Variants in GTF3C3 observed in about 807,000 individuals in gnomAD.
The protein encoded by GTF3C3 is general transcription factor IIIC subunit 3, also known as general transcription factor 3C polypeptide 3.
In GTF3C3, 75 loss-of-function variants were observed where a neutral mutation model predicts 105.2. That is an observed-to-expected ratio of 0.71 (90% CI 0.59 to 0.86). The LOEUF (loss-of-function observed/expected upper bound fraction) is 0.86, where lower values mean the gene tolerates loss of function less well. Ranked by LOEUF, GTF3C3 falls within the 40% of genes least tolerant of loss-of-function variation. The pLI, the probability that GTF3C3 is intolerant of heterozygous loss-of-function variation, is 0.00. For synonymous variants in GTF3C3, 335 were observed against 370.4 expected, an observed-to-expected ratio of 0.90 and a Z score of 1.10; for missense variants, 856 against 1,076.5, an observed-to-expected ratio of 0.80 and a Z score of 2.87.
chr2:196,766,947 C>G (rs1481514540), intron 16 of GTF3C3: 13 of 321,718 alleles, frequency 4.0e-5, no homozygotes, highest in Non-Finnish European at 6.7e-5. Context: ...AAAACAGAGC[C>G]AAATGTTACA....
Position 196,764,593 on chromosome 2 carries a change from T to C in GTF3C3, c.2631A>G (p.Gln877=). 6.2e-7 allele frequency: 1 copy of C among 1,614,010 alleles called. No individual in the cohort carries two copies. The highest frequency in any genetic ancestry group is 8.5e-7 in the Non-Finnish European group (1 of 1,179,910). ...TAGAACAATAGGTATACAAAAGCGT[T>C]TGAGCCATTCCGGTATTCCCACTGC... The part of the protein sequence containing the change: ...YQSSGNTGMA[Q]TLLYTYCSI The change falls in exon 18 of 18, where the codon CAA becomes CAG. Residue 877 remains glutamine, a synonymous_variant. Transcript: ENST00000263956.
In GTF3C3 at chr2:196,797,868, G is replaced by A. The variant is rs747039829; in HGVS notation, c.143C>T (p.Pro48Leu). The A allele has an allele frequency of 4.3e-6, 7 of 1,612,242 alleles. No individual in the cohort carries two copies. ...TGATGATGGAACTTCAGAGTCATCG[G>A]GATTTTCTTCAGCTGATAACTTGCC... ...EKGKLSAEEN[P>L]DDSEVPSSSG... is the part of the protein sequence containing the mutation. Residue 48 changes from proline to leucine, a missense_variant, in exon 2 of 18, where the codon CCC (proline) becomes CTC (leucine). By Grantham distance (98) the Pro-to-Leu change is moderately conservative. Around this residue, in one of 3 missense-constraint regions of GTF3C3, gnomAD observed 117 missense variants for 114.0 expected, o/e 1.03. Transcript: ENST00000263956.
At position 196,789,210 on chromosome 2, in the gene GTF3C3, AT is replaced by A; in HGVS notation, c.886del (p.Met296TrpfsTer17). On this transcript the variant is annotated frameshift_variant, in exon 6 of 18. Coordinates refer to ENST00000263956, the MANE Select transcript of GTF3C3 (RefSeq NM_012086.5). LOFTEE classifies it high-confidence loss of function. ...TGTTTCACTCCAAACTTACTTTGCC[AT>A]ATCTCTAGCCAGCTGCATAAAACGT... The part of the protein sequence containing the change: ...GERFMQLARD[M>X]AKSYYEANDV... The A allele has an allele frequency of 6.2e-7, 1 of 1,600,138 alleles. No individual in the cohort carries two copies. The highest frequency in any genetic ancestry group is 1.1e-5 in the South Asian group (1 of 87,932).
chr2:196,782,687 T>C (rs1699387013), intron 8 of GTF3C3, among the ~76,000 whole-genome samples: 2 of 152,082 alleles, frequency 1.3e-5, no homozygotes, highest in Non-Finnish European at 2.9e-5. Context: ...ACCAACTATA[T>C]TTAAAAAGGT....
At chr2:196,780,325 A>G in intron 9 of GTF3C3, 1 of 1,117,604 alleles carries the variant, frequency 8.9e-7, no homozygotes, top group Non-Finnish European at 1.1e-6. Flanking sequence ...GACAATCTCA[A>G]ATTATGATCT....
intron 6 of GTF3C3, among the ~76,000 whole-genome samples, chr2:196,787,255 G>A (rs754997698): frequency 1.3e-5 from 2 of 152,038 alleles, no homozygotes; most frequent in Non-Finnish European, 1.5e-5. Context: ...TTTCCTAACT[G>A]GTCTCCATGC....
chr2:196,782,251 A>C (rs1411481534), intron 8 of GTF3C3, among the ~76,000 whole-genome samples: 5 of 152,198 alleles, frequency 3.3e-5, no homozygotes, highest in African/African-American at 4.8e-5. Context: ...AAGGGCCCTC[A>C]CCAGACACCA....
Position 196,776,065 on chromosome 2 carries a change from C to T in GTF3C3, c.1640G>A (p.Gly547Asp), listed in dbSNP as rs756027236. 1 of 1,600,748 alleles carries T rather than the reference C, an allele frequency of 6.2e-7. No individual in the cohort carries two copies. Among genetic ancestry groups the T allele is most frequent in the Non-Finnish European group, 8.5e-7 (1 of 1,172,926 alleles). ...GGTATCCACATAACCATACATTTTG[C>T]CTTGTGAAAACAACAGAGTAGAACG... is the stretch of plus-strand genomic sequence containing the variant. ...LHRSTLLFSQ[G>D]KMYGYVDTLL... The change falls in exon 12 of 18, where the codon GGC becomes GAC. Residue 547 changes from glycine (G) to aspartate (D), a missense_variant. Transcript: ENST00000263956. This position sits in a 1 kb window ranked among gnomAD's most constrained non-coding sequence, Gnocchi z 4.5.
In GTF3C3 at chr2:196,797,823, T is replaced by A. The variant is rs775924404; in HGVS notation, c.188A>T (p.Lys63Ile). 6.2e-7 allele frequency: 1 copy of A among 1,600,854 alleles called. No individual in the cohort carries two copies. Among genetic ancestry groups the A allele is most frequent in the Non-Finnish European group, 8.6e-7 (1 of 1,167,974 alleles). ...VPSSSGINST[K>I]SQDKDVNEGE... Reference sequence around the variant, plus strand: ...TTCATTGACATCTTTGTCTTGGGATTTGGTAGAGTTAATTCCTGATGATGA... The same window carrying A: ...TTCATTGACATCTTTGTCTTGGGATATGGTAGAGTTAATTCCTGATGATGA... The change falls in exon 2 of 18, where the codon AAA becomes ATA. Residue 63 changes from lysine to isoleucine, a missense_variant. By Grantham distance (102) the Lys-to-Ile change is moderately radical. This residue lies in a region of GTF3C3 where 117 missense variants were observed against 114.0 expected (regional missense o/e 1.03). Transcript: ENST00000263956.
At position 196,776,220 on chromosome 2, in the gene GTF3C3, T is replaced by TG; in HGVS notation, c.1594-110_1594-109insC. On this transcript the variant is annotated intron_variant, in intron 11 of 17. Coordinates refer to ENST00000263956, the MANE Select transcript of GTF3C3 (RefSeq NM_012086.5). This position sits in a 1 kb window ranked among gnomAD's most constrained non-coding sequence, Gnocchi z 4.5. ...AAACAAACCATATTGCTTTATGGTCTTTCACAATAATTAAGAGCCAATATT... is the reference window on the plus strand; with the variant it reads ...AAACAAACCATATTGCTTTATGGTCTGTTCACAATAATTAAGAGCCAATATT... 1.4e-6 allele frequency: 1 copy of TG among 722,700 alleles called. No individual in the cohort carries two copies. The highest frequency in any genetic ancestry group is 2.3e-6 in the Non-Finnish European group (1 of 431,442). The allele number at this position is 722,700 out of a possible 1,614,324, so 44.8% of individuals were successfully genotyped here. A position where few individuals can be genotyped will look rare whatever the true frequency, so the allele number is the denominator to read the frequency against.
At chr2:196,766,010 CAA>C (rs11424716) in intron 17 of GTF3C3, among the ~76,000 whole-genome samples, 8,456 of 87,090 alleles carry the variant, frequency 0.097, 222 homozygotes, top group Middle Eastern at 0.16. Flanking sequence ...ACTCTGTCTC[CAA>C]AAAAAAAAAA....
At chr2:196,781,357 A>AATATATATATATAT (rs1553578901) in intron 8 of GTF3C3, among the ~76,000 whole-genome samples, 198 of 18,752 alleles carry the variant, frequency 0.011, 7 homozygotes, top group Middle Eastern at 0.038. Context: ...AAAAAAAAAA[A>AATATATATATATAT]ATATATATAT....
chr2:196,797,097 C>T (rs937034119), intron 2 of GTF3C3, among the ~76,000 whole-genome samples: 2 of 152,212 alleles, frequency 1.3e-5, no homozygotes, highest in African/African-American at 2.4e-5. Flanking sequence ...AGACCCTATA[C>T]ATGAAGCTAC....
At chr2:196,781,849 A>C (rs781229370) in intron 8 of GTF3C3, among the ~76,000 whole-genome samples, 1 of 152,168 alleles carries the variant, frequency 6.6e-6, no homozygotes, top group Admixed American at 6.5e-5. Context: ...GAGGACAAGA[A>C]CCATGTCTGA....
chr2:196,781,394 A>AT (rs1302368616), intron 8 of GTF3C3, among the ~76,000 whole-genome samples: 1 of 135,242 alleles, frequency 7.4e-6, no homozygotes, highest in African/African-American at 2.6e-5. Context: ...ATATAAAATT[A>AT]AATAATACAA....
In GTF3C3 at chr2:196,764,679, C is replaced by A; in HGVS notation, c.2545G>T (p.Glu849Ter). 5 of 1,611,316 alleles carry A rather than the reference C, an allele frequency of 3.1e-6. No homozygotes were observed. The highest frequency in any genetic ancestry group is 4.2e-6 in the Non-Finnish European group (5 of 1,177,752). ...CTTCGTAAGTCTAACTGGTCAAGTTCTATACCCTAGGGAGAAAAAGATACC... is the reference window on the plus strand; with the variant it reads ...CTTCGTAAGTCTAACTGGTCAAGTTATATACCCTAGGGAGAAAAAGATACC... ...ELPPLVVEGI[E>*]LDQLDLRRDI... is the part of the protein sequence containing the mutation. Residue 849 changes from glutamate to a stop codon, truncating the protein, a stop_gained, in exon 18 of 18, where the codon GAA (glutamate) becomes TAA (stop). Coordinates refer to ENST00000263956, the MANE Select transcript of GTF3C3 (RefSeq NM_012086.5). LOFTEE classifies it high-confidence loss of function.
rs369894879 is a variant in GTF3C3, at chr2:196,763,886, G to A, written c.*677C>T. The A allele has an allele frequency of 5.9e-5, 9 of 152,226 alleles. No individual in the cohort carries two copies. The East Asian group carries it at 1.7e-3, about 29-fold the overall frequency. The allele number at this position is 152,226 out of a possible 1,614,324, so 9.4% of individuals were successfully genotyped here. A position where few individuals can be genotyped will look rare whatever the true frequency, so the allele number is the denominator to read the frequency against. ...TTATATTACTTGTGATCTTGAAATG[G>A]AAACCATGTCCTGTTATTGAACAAG... On this transcript the variant is annotated 3_prime_UTR_variant, in exon 18 of 18. Coordinates refer to ENST00000263956, the MANE Select transcript of GTF3C3 (RefSeq NM_012086.5).
At chr2:196,791,540 G>T in intron 3 of GTF3C3, 80 bp from the exon 4 acceptor site, 2 of 1,256,450 alleles carry the variant, frequency 1.6e-6, no homozygotes, top group Non-Finnish European at 2.2e-6. Flanking sequence ...AATAAATATA[G>T]CATATAATGA....
intron 2 of GTF3C3, among the ~76,000 whole-genome samples, chr2:196,793,928 A>T (rs1213145343): frequency 6.6e-6 from 1 of 152,182 alleles, no homozygotes; most frequent in African/African-American, 2.4e-5. Context: ...AGACATTGCT[A>T]TGGTTTGAAT....
Sources: gnomAD v4.1 joint callset for allele counts (sites outside exome capture counted in the v4.1 genomes callset) on GRCh38, gnomAD v4.1.1 for gene constraint, gnomAD v4.1.1 regional missense constraint, Gnocchi (gnomAD v3.1) non-coding constraint, MANE v1.5 for transcripts, NCBI Gene and HGNC (gene_info 2026-07-23, HGNC 2026-07-21) for gene names.